TAF4B: variants seen among roughly 807,000 people sequenced by gnomAD.
TAF4B encodes the protein transcription initiation factor TFIID subunit 4B.
Under a neutral mutation model 86.4 loss-of-function variants are expected in TAF4B, and 38 were observed. The observed-to-expected ratio is 0.44, with a 90% confidence interval of 0.34 to 0.58. The LOEUF (loss-of-function observed/expected upper bound fraction) is 0.58. Among genes scored for constraint, TAF4B ranks in the 20% least tolerant of loss-of-function variants. The pLI is 0.02. For missense variants in TAF4B, 988 were observed against 1,027.6 expected (o/e 0.96, Z 0.53); for synonymous variants, 388 against 391.2 (o/e 0.99, Z 0.10).
chr18:26,274,821 T>A lies in TAF4B; in HGVS notation c.756T>A (p.Ser252=), dbSNP rs1166184307. The A allele has an allele frequency of 6.2e-7, 1 of 1,614,204 alleles. No individual in the cohort carries two copies. Among genetic ancestry groups the A allele is most frequent in the Non-Finnish European group, 8.5e-7 (1 of 1,180,040 alleles). Reference sequence around the variant, plus strand: ...CAGCAGCTGTTCAGATTAATCTTTCTCCGGTAAGCTCTTACTTGCACCTTA... The same window carrying A: ...CAGCAGCTGTTCAGATTAATCTTTCACCGGTAAGCTCTTACTTGCACCTTA... ...ENSAAVQINL[S]PTMLENVKKC... is the part of the protein sequence containing the mutation. Residue 252 remains serine (S), a synonymous_variant, in exon 4 of 15, where the codon TCT becomes TCA. Transcript: ENST00000269142.
At chr18:26,364,590 A>G (rs2057356901) in intron 14 of TAF4B, among the ~76,000 whole-genome samples, 1 of 152,122 alleles carries the variant, frequency 6.6e-6, no homozygotes, top group African/African-American at 2.4e-5. Context: ...TTCCCCCATT[A>G]GCTATACTTT....
intron 14 of TAF4B, among the ~76,000 whole-genome samples, chr18:26,362,230 A>G (rs1216039072): frequency 1.3e-5 from 2 of 152,194 alleles, no homozygotes; most frequent in South Asian, 2.1e-4. Context: ...CCCCACCTGT[A>G]AAATGGGCAT....
chr18:26,303,056 A>T (rs959994228), intron 9 of TAF4B, among the ~76,000 whole-genome samples: 21 of 136,040 alleles, frequency 1.5e-4, no homozygotes, highest in Non-Finnish European at 2.9e-4. Context: ...CTCCACTTTC[A>T]TACCCGCTCC....
intron 9 of TAF4B, among the ~76,000 whole-genome samples, chr18:26,308,960 A>G (rs560375119): frequency 3.9e-5 from 6 of 152,050 alleles, no homozygotes; most frequent in Admixed American, 3.3e-4. Context: ...ACTTCAGGAA[A>G]CAATTGATAA....
chr18:26,319,337 CA>C (rs1307835866), intron 10 of TAF4B, among the ~76,000 whole-genome samples: 2 of 149,866 alleles, frequency 1.3e-5, no homozygotes, highest in Non-Finnish European at 3.0e-5. Flanking sequence ...ACTAAAAATA[CA>C]AAAAAAAATC....
At chr18:26,292,114 A>T in intron 7 of TAF4B, 132 bp from the exon 8 acceptor site, 1 of 955,144 alleles carries the variant, frequency 1.0e-6, no homozygotes, top group Non-Finnish European at 1.4e-6. Flanking sequence ...TACAAATTTA[A>T]AGTAGGCATT....
Position 26,226,645 on chromosome 18 carries a change from A to C in TAF4B, c.-289A>C, listed in dbSNP as rs537312711. 1.0e-3 allele frequency: 305 copies of C among 301,024 alleles called. No homozygotes were observed. Among genetic ancestry groups the C allele is most frequent in the African/African-American group, 6.3e-3 (293 of 46,342 alleles). 18.6% of individuals were successfully genotyped at this position (301,024 alleles called of 1,614,324 possible). Reference sequence around the variant, plus strand: ...GCAGCGGGACCCGAGCCTGAGGCGCAGGGCTGAGGCAGCGCACGTGTGAGC... The same window carrying C: ...GCAGCGGGACCCGAGCCTGAGGCGCCGGGCTGAGGCAGCGCACGTGTGAGC... On this transcript the variant is annotated 5_prime_UTR_variant, in exon 1 of 15. Coordinates refer to ENST00000269142, the MANE Select transcript of TAF4B (RefSeq NM_005640.3).
intron 9 of TAF4B, among the ~76,000 whole-genome samples, chr18:26,307,903 A>G (rs1163390809): frequency 6.6e-6 from 1 of 152,148 alleles, no homozygotes; most frequent in Admixed American, 6.6e-5. Flanking sequence ...TGAGGTCAGG[A>G]GTTCGAGACC....
At chr18:26,255,734 C>T in intron 1 of TAF4B, 1 of 1,598,936 alleles carries the variant, frequency 6.3e-7, no homozygotes, top group Non-Finnish European at 8.6e-7. Flanking sequence ...GCTGTGGCCC[C>T]TGCTCCTCTG....
At chr18:26,253,455 T>C (rs2056035370) in intron 1 of TAF4B, among the ~76,000 whole-genome samples, 1 of 152,238 alleles carries the variant, frequency 6.6e-6, no homozygotes, top group Non-Finnish European at 1.5e-5. Context: ...ATAACACATA[T>C]AAAACATTGC....
intron 13 of TAF4B, among the ~76,000 whole-genome samples, chr18:26,346,861 GTATA>G (rs1173384806): frequency 5.6e-5 from 1 of 17,758 alleles, no homozygotes; most frequent in African/African-American, 1.1e-4. Context: ...ATATATATGT[GTATA>G]TATATATATG....
At chr18:26,255,967 C>T in intron 1 of TAF4B, 1 of 1,313,584 alleles carries the variant, frequency 7.6e-7, no homozygotes, top group Non-Finnish European at 1.1e-6. Context: ...GGAGATTGAG[C>T]TGGGAGGCAC....
rs970035983 is a variant in TAF4B, at chr18:26,357,863, A to C, written c.2421+69A>C. 8.6e-5 allele frequency: 105 copies of C among 1,226,964 alleles called. 1 individual carries two copies. Among genetic ancestry groups the C allele is most frequent in the Non-Finnish European group, 1.1e-4 (99 of 863,382 alleles). 76.0% of individuals were successfully genotyped at this position (1,226,964 alleles called of 1,614,324 possible). On this transcript the variant is annotated intron_variant, in intron 14 of 14. Transcript: ENST00000269142. ...GCAAGCCAAAAAGAAGCAAAGACTT[A>C]AAAATAGTTTACCCTGTTATGCACG...
At chr18:26,298,719 T>A (rs1343082681) in intron 9 of TAF4B, among the ~76,000 whole-genome samples, 1 of 151,376 alleles carries the variant, frequency 6.6e-6, no homozygotes, top group Non-Finnish European at 1.5e-5. Flanking sequence ...TTATTTCCCA[T>A]TTATTGTAGA....
intron 1 of TAF4B, among the ~76,000 whole-genome samples, chr18:26,236,517 T>G (rs1288958724): frequency 1.3e-5 from 2 of 152,170 alleles, no homozygotes; most frequent in Non-Finnish European, 2.9e-5. Flanking sequence ...CAGAGAACCT[T>G]TGTTTTCTAG....
intron 14 of TAF4B, among the ~76,000 whole-genome samples, chr18:26,368,952 C>T (rs529610318): frequency 6.6e-6 from 1 of 152,088 alleles, no homozygotes; most frequent in South Asian, 2.1e-4. Context: ...CATATATTAA[C>T]AAGAACAAAG....
At chr18:26,367,750 T>A (rs553619740) in intron 14 of TAF4B, among the ~76,000 whole-genome samples, 4 of 152,318 alleles carry the variant, frequency 2.6e-5, no homozygotes, top group African/African-American at 9.6e-5. Flanking sequence ...TATTTTCACT[T>A]GTTTGTTATA....
intron 9 of TAF4B, among the ~76,000 whole-genome samples, chr18:26,309,245 A>AGTTTTTT (rs2056828778): frequency 1.2e-5 from 1 of 84,552 alleles, no homozygotes; most frequent in African/African-American, 3.9e-5. Context: ...ACCTGACAGT[A>AGTTTTTT]TTTTTTTTTT....
intron 13 of TAF4B, among the ~76,000 whole-genome samples, chr18:26,346,845 G>A (rs12969971): frequency 0.25 from 3,393 of 13,806 alleles, 801 homozygotes; most frequent in Middle Eastern, 0.39. Flanking sequence ...ATGTGTGTGT[G>A]TATATATATA....
Sources: allele counts gnomAD v4.1 joint callset (sites outside exome capture counted in the v4.1 genomes callset), GRCh38; gene constraint gnomAD v4.1.1; transcripts MANE v1.5; gene names NCBI Gene and HGNC (gene_info 2026-07-23, HGNC 2026-07-21).